MYT1L: variants seen among roughly 807,000 people sequenced by gnomAD.
The protein encoded by MYT1L is myelin transcription factor 1-like protein.
MYT1L carries 12 observed loss-of-function variants against 126.7 expected under a neutral mutation model. The observed-to-expected ratio is 0.09, with a 90% CI of 0.06 to 0.15. MYT1L has a LOEUF of 0.15. Among genes scored for constraint, MYT1L ranks in the 10% least tolerant of loss-of-function variants. The pLI is 1.00. For missense variants in MYT1L, 979 were observed against 1,585.2 expected (o/e 0.62, Z 6.49); for synonymous variants, 541 against 604.2 (o/e 0.90, Z 1.53).
chr2:2,119,922 CAGAGA>C (rs1218892576), intron 3 of MYT1L, among the ~76,000 whole-genome samples: 1 of 151,972 alleles, frequency 6.6e-6, no homozygotes, highest in African/African-American at 2.4e-5. Context: ...GGAAATATGA[CAGAGA>C]AAAGAAATAT....
At chr2:2,107,004 C>T (rs1432484777) in intron 3 of MYT1L, among the ~76,000 whole-genome samples, 1 of 152,142 alleles carries the variant, frequency 6.6e-6, no homozygotes, top group East Asian at 1.9e-4. Flanking sequence ...GTTAACCTTC[C>T]AGAGCTGGAA....
At chr2:2,019,745 T>C (rs1237890715) in intron 4 of MYT1L, among the ~76,000 whole-genome samples, 1 of 152,204 alleles carries the variant, frequency 6.6e-6, no homozygotes, top group African/African-American at 2.4e-5. Flanking sequence ...CTACTACATA[T>C]GGAAATGCTA....
chr2:2,069,640 T>A (rs1361280232), intron 3 of MYT1L, among the ~76,000 whole-genome samples: 4 of 152,072 alleles, frequency 2.6e-5, no homozygotes, highest in African/African-American at 7.2e-5. Context: ...CCTTGAGGAA[T>A]CACCACACTG....
rs112702204 is a variant in MYT1L, at chr2:2,167,157, C to T, written c.-304+5715G>A. 7.4e-3 allele frequency among the ~76,000 whole-genome samples: 1,132 copies of T among 152,276 alleles called. 11 individuals carry two copies. Among genetic ancestry groups the T allele is most frequent in the Non-Finnish European group, 0.013 (858 of 68,022 alleles). On this transcript the variant is annotated intron_variant, in intron 3 of 24. Transcript: ENST00000647738. ...GCCGCTGCGCTGCAGGTTTTACAGG[C>T]ATTAGTGTGTGTAACCCTCAATGAC... is the stretch of plus-strand genomic sequence containing the variant.
chr2:2,282,161 C>T (rs1167345060), intron 2 of MYT1L, among the ~76,000 whole-genome samples: 1 of 152,178 alleles, frequency 6.6e-6, no homozygotes, highest in African/African-American at 2.4e-5. Flanking sequence ...GATTCTGCAA[C>T]TAAAAGGTGG....
intron 4 of MYT1L, among the ~76,000 whole-genome samples, chr2:2,041,524 CT>C (rs1395786804): frequency 1.3e-5 from 2 of 152,152 alleles, no homozygotes; most frequent in African/African-American, 4.8e-5. Context: ...TATTCTTTGT[CT>C]CTTATCAAAT....
intron 5 of MYT1L, among the ~76,000 whole-genome samples, chr2:1,983,032 C>A (rs1402534223): frequency 2.6e-5 from 4 of 152,110 alleles, no homozygotes; most frequent in Non-Finnish European, 4.4e-5. Context: ...CATATAGGGG[C>A]AAACTTATTT....
rs2096282126 is a variant in MYT1L, at chr2:2,331,203, G to GC, written c.-758dup. On this transcript the variant is annotated 5_prime_UTR_variant, in exon 1 of 25. Transcript: ENST00000647738. The stretch of plus-strand genomic sequence containing the variant: ...ATTAAAATGCACCCACCAACAATGA[G>GC]CAAAAAACCCGGGGTGCTTCAACAA... 1.3e-5 allele frequency: 2 copies of GC among 151,894 alleles called. No homozygotes were observed. The highest frequency in any genetic ancestry group is 4.2e-4 in the South Asian group (2 of 4,812). 9.4% of individuals were successfully genotyped at this position (151,894 alleles called of 1,614,324 possible). A position where few individuals can be genotyped will look rare whatever the true frequency, so the allele number is the denominator to read the frequency against.
At chr2:2,310,098 A>G (rs1035757330) in intron 1 of MYT1L, among the ~76,000 whole-genome samples, 1 of 151,810 alleles carries the variant, frequency 6.6e-6, no homozygotes, top group African/African-American at 2.4e-5. Context: ...GACTCCACTT[A>G]CACTTTAGTA....
chr2:2,145,191 G>C (rs530367852), intron 3 of MYT1L, among the ~76,000 whole-genome samples: 14 of 152,358 alleles, frequency 9.2e-5, no homozygotes, highest in African/African-American at 2.9e-4. Flanking sequence ...ACATGGCTCT[G>C]AAGGTGTGGC....
In MYT1L at chr2:1,979,712, C is replaced by A; in HGVS notation, c.55+11G>T. 6.2e-7 allele frequency: 1 copy of A among 1,613,984 alleles called. No individual in the cohort carries two copies. Among genetic ancestry groups the A allele is most frequent in the Non-Finnish European group, 8.5e-7 (1 of 1,179,880 alleles). On this transcript the variant is annotated intron_variant, in intron 6 of 24. Transcript: ENST00000647738. The surrounding 1 kb of genome is among the most constrained non-coding windows in gnomAD (Gnocchi z 4.0). ...GAGCCGGCCTCAGGATGCAGGGAAG[C>A]GCGGACATACCTCGAACCCCTTTGG...
intron 3 of MYT1L, among the ~76,000 whole-genome samples, chr2:2,123,293 C>T (rs1017088251): frequency 2.0e-5 from 3 of 152,146 alleles, no homozygotes; most frequent in Admixed American, 1.3e-4. Context: ...ATCCCTAAAG[C>T]GAATCCCTAG....
At chr2:1,817,797 T>C (rs2037916423) in intron 21 of MYT1L, among the ~76,000 whole-genome samples, 1 of 152,178 alleles carries the variant, frequency 6.6e-6, no homozygotes. Flanking sequence ...GGGTGTAAAT[T>C]ATAAAGAGGG....
At chr2:2,060,827 T>C (rs1168579801) in intron 3 of MYT1L, among the ~76,000 whole-genome samples, 2 of 146,560 alleles carry the variant, frequency 1.4e-5, no homozygotes, top group Admixed American at 6.8e-5. Context: ...TCTCTTTCCC[T>C]CTCTCTCTCT....
intron 4 of MYT1L, among the ~76,000 whole-genome samples, chr2:2,004,208 TGTGTTCTTTCCTGC>T (rs1558696925): frequency 9.4e-5 from 9 of 96,036 alleles, no homozygotes; most frequent in Non-Finnish European, 1.1e-4. Flanking sequence ...CTTTCCTGAA[TGTGTTCTTTCCTGC>T]AGGCGTTCTT....
chr2:2,020,712 T>TA (rs1202162110), intron 4 of MYT1L, among the ~76,000 whole-genome samples: 1 of 152,242 alleles, frequency 6.6e-6, no homozygotes, highest in African/African-American at 2.4e-5. Context: ...TTGATCTACT[T>TA]ACATTCATCA....
intron 3 of MYT1L, among the ~76,000 whole-genome samples, chr2:2,081,252 G>C (rs561901254): frequency 6.6e-6 from 1 of 152,180 alleles, no homozygotes; most frequent in Non-Finnish European, 1.5e-5. Flanking sequence ...TCTGTAGAGA[G>C]AGCAAAGGGA....
intron 18 of MYT1L, among the ~76,000 whole-genome samples, chr2:1,857,188 C>G (rs571612348): frequency 2.8e-4 from 43 of 152,332 alleles, no homozygotes; most frequent in African/African-American, 9.4e-4. Context: ...GACTGCGGGC[C>G]AAGACCCAGT....
chr2:1,934,727 TACACACACACACACACAC>T (rs56320658), intron 9 of MYT1L, among the ~76,000 whole-genome samples: 4 of 138,310 alleles, frequency 2.9e-5, no homozygotes, highest in African/African-American at 1.1e-4. Flanking sequence ...CTCTGTCATG[TACACACACACACACACAC>T]ACACACACAC....
Sources: gnomAD v4.1 joint callset for allele counts (sites outside exome capture counted in the v4.1 genomes callset) on GRCh38, gnomAD v4.1.1 for gene constraint, Gnocchi (gnomAD v3.1) non-coding constraint, MANE v1.5 for transcripts, NCBI Gene and HGNC (gene_info 2026-07-23, HGNC 2026-07-21) for gene names.